Variants in AP2A2 observed in about 807,000 individuals in gnomAD.
The protein encoded by AP2A2 is adaptor related protein complex 2 subunit alpha 2.
Under a neutral mutation model 104.2 loss-of-function variants are expected in AP2A2, and 32 were observed. That is an observed-to-expected ratio of 0.31 (90% CI 0.23 to 0.41). AP2A2 has a LOEUF of 0.41. AP2A2 is among the 10% of genes least tolerant of loss of function. The pLI, the probability that AP2A2 is intolerant of heterozygous loss-of-function variation, is 1.00. For synonymous variants in AP2A2, 539 were observed against 533.3 expected, an observed-to-expected ratio of 1.01 and a Z score of -0.15; for missense variants, 912 against 1,261.0, an observed-to-expected ratio of 0.72 and a Z score of 4.19.
At chr11:952,965 T>C (rs2134533597) in intron 1 of AP2A2, among the ~76,000 whole-genome samples, 1 of 152,310 alleles carries the variant, frequency 6.6e-6, no homozygotes, top group Admixed American at 6.5e-5. Flanking sequence ...TCTGCTCCTT[T>C]ACAGGAGAGC....
At position 1,009,341 on chromosome 11, in the gene AP2A2, G is replaced by C. The variant is rs1349496504; in HGVS notation, c.2551G>C (p.Val851Leu). The C allele has an allele frequency of 6.2e-7, 1 of 1,613,662 alleles. No individual in the cohort carries two copies. Among genetic ancestry groups the C allele is most frequent in the African/African-American group, 1.3e-5 (1 of 74,930 alleles). ...TGTTTCTCACAGTCCACAGCAGGAAGTGCAGAACATCTTCAAAGCAAAGCA... is the reference window on the plus strand; with the variant it reads ...TGTTTCTCACAGTCCACAGCAGGAACTGCAGAACATCTTCAAAGCAAAGCA... ...WKQLSNPQQEVQNIFKAKHPM... is the reference protein window; with the variant it reads ...WKQLSNPQQELQNIFKAKHPM... The change falls in exon 20 of 22, where the codon GTG becomes CTG. Residue 851 changes from valine to leucine, a missense_variant. Val to Leu is a conservative substitution (Grantham distance 32). Around this residue, in one of 7 missense-constraint regions of AP2A2, gnomAD observed 239 missense variants for 329.8 expected, o/e 0.72. Coordinates refer to ENST00000448903, the MANE Select transcript of AP2A2 (RefSeq NM_012305.4).
At chr11:987,131 C>G (rs1046118265) in intron 9 of AP2A2, among the ~76,000 whole-genome samples, 178 bp downstream of exon 9, 2 of 152,240 alleles carry the variant, frequency 1.3e-5, no homozygotes, top group African/African-American at 4.8e-5. Flanking sequence ...GAGGGCCATG[C>G]TGCCTGGAGA....
At chr11:957,067 G>C (rs752765632) in intron 1 of AP2A2, 1 of 152,218 alleles carries the variant, frequency 6.6e-6, no homozygotes, top group Non-Finnish European at 1.5e-5. Flanking sequence ...ACCTGTGCTT[G>C]TGCATGACAG....
At chr11:949,210 A>G (rs1262621467) in intron 1 of AP2A2, among the ~76,000 whole-genome samples, 1 of 151,954 alleles carries the variant, frequency 6.6e-6, no homozygotes, top group Non-Finnish European at 1.5e-5. Context: ...CGAGAGGCGG[A>G]GGTTGCAGTG....
intron 1 of AP2A2, among the ~76,000 whole-genome samples, chr11:930,495 C>A (rs1445353547): frequency 6.6e-6 from 1 of 151,770 alleles, no homozygotes; most frequent in Non-Finnish European, 1.5e-5. Context: ...TAAAAAAATT[C>A]TAGTCCTTTT....
chr11:993,705 G>A lies in AP2A2; in HGVS notation c.1551-49G>A. ...CCCCCCCCCGCGGGGGCGTGCTGCAGCCTGCGAGGGGACGACGGTGTCCCT... is the reference window on the plus strand; with the variant it reads ...CCCCCCCCCGCGGGGGCGTGCTGCAACCTGCGAGGGGACGACGGTGTCCCT... On this transcript the variant is annotated intron_variant, in intron 12 of 21. Coordinates refer to ENST00000448903, the MANE Select transcript of AP2A2 (RefSeq NM_012305.4). The surrounding 1 kb of genome is among the most constrained non-coding windows in gnomAD (Gnocchi z 8.2). 1 of 1,447,234 alleles carries A rather than the reference G, an allele frequency of 6.9e-7. No individual in the cohort carries two copies. The highest frequency in any genetic ancestry group is 9.4e-7 in the Non-Finnish European group (1 of 1,066,538). 89.6% of individuals were successfully genotyped at this position (1,447,234 alleles called of 1,614,324 possible).
At position 970,307 on chromosome 11, in the gene AP2A2, A is replaced by G. The variant is rs776232675; in HGVS notation, c.275A>G (p.Gln92Arg). ...AGTTCAAACAGATACACGGAAAAGC[A>G]GATCGTGAGTATCGCTGCAGGTGGA... ...LLSSNRYTEK[Q>R]IGYLFISVLV... Residue 92 changes from glutamine (Q) to arginine (R), a missense_variant, in exon 3 of 22, where the codon CAG (glutamine) becomes CGG (arginine). This residue lies in a region of AP2A2 where 350 missense variants were observed against 487.0 expected (regional missense o/e 0.72). Transcript: ENST00000448903. 5.0e-6 allele frequency: 8 copies of G among 1,613,430 alleles called. No individual in the cohort carries two copies. Among genetic ancestry groups the G allele is most frequent in the Non-Finnish European group, 6.8e-6 (8 of 1,179,520 alleles).
At position 1,010,889 on chromosome 11, in the gene AP2A2, T is replaced by G. The variant is rs1856404658; in HGVS notation, c.*264T>G. The G allele has an allele frequency of 1.5e-6, 1 of 648,446 alleles. No individual in the cohort carries two copies. Among genetic ancestry groups the G allele is most frequent in the South Asian group, 1.8e-5 (1 of 55,592 alleles). 40.2% of individuals were successfully genotyped at this position (648,446 alleles called of 1,614,324 possible). A position where few individuals can be genotyped will look rare whatever the true frequency, so the allele number is the denominator to read the frequency against. ...TTTTATAAAAATCGAGACAGTTCTG[T>G]GGTTAAATCTACAAATTAAAGGGAA... On this transcript the variant is annotated 3_prime_UTR_variant, in exon 22 of 22. Transcript: ENST00000448903.
chr11:1,005,695 C>A (rs774456882), intron 16 of AP2A2, among the ~76,000 whole-genome samples: 4 of 152,152 alleles, frequency 2.6e-5, no homozygotes, highest in Non-Finnish European at 4.4e-5. Context: ...AGTCCTCTGC[C>A]CGCCAGGGGT....
intron 1 of AP2A2, among the ~76,000 whole-genome samples, chr11:959,051 C>G (rs1257020512): frequency 6.6e-6 from 1 of 152,212 alleles, no homozygotes; most frequent in Non-Finnish European, 1.5e-5. Context: ...AGGAGTAAAC[C>G]TCCGTGTTAT....
Position 994,182 on chromosome 11 carries a change from G to A in AP2A2, c.1893G>A (p.Lys631=), listed in dbSNP as rs1207401120. 2 of 1,613,048 alleles carry A rather than the reference G, an allele frequency of 1.2e-6. No individual in the cohort carries two copies. Among genetic ancestry groups the A allele is most frequent in the South Asian group, 2.2e-5 (2 of 91,086 alleles). The change falls in exon 14 of 22, where the codon AAG becomes AAA. Residue 631 remains lysine, a synonymous_variant. Coordinates refer to ENST00000448903, the MANE Select transcript of AP2A2 (RefSeq NM_012305.4). Reference sequence around the variant, plus strand: ...CGGTGACAGACCTGGAGGACACCAAGCGGGACAGGAGTGTGGACGTGAACG... The same window carrying A: ...CGGTGACAGACCTGGAGGACACCAAACGGGACAGGAGTGTGGACGTGAACG... The part of the protein sequence containing the change: ...PSTVTDLEDT[K]RDRSVDVNGG...
chr11:1,010,756 C>A lies in AP2A2; in HGVS notation c.*131C>A. On this transcript the variant is annotated 3_prime_UTR_variant, in exon 22 of 22. Coordinates refer to ENST00000448903, the MANE Select transcript of AP2A2 (RefSeq NM_012305.4). ...CAAGGCGCCTCCCCGCCCCGCCGCC[C>A]CACACCTCTCCCCTTTGGGCTGGAC... 1.3e-6 allele frequency: 1 copy of A among 753,612 alleles called. No individual in the cohort carries two copies. The highest frequency in any genetic ancestry group is 2.3e-6 in the Non-Finnish European group (1 of 429,858). 46.7% of individuals were successfully genotyped at this position (753,612 alleles called of 1,614,324 possible).
chr11:946,421 T>C (rs1853834703), intron 1 of AP2A2: 1 of 152,168 alleles, frequency 6.6e-6, no homozygotes, highest in African/African-American at 2.4e-5. Flanking sequence ...AAACCCTGTT[T>C]CTGAAAGAGA....
At chr11:958,883 A>G (rs1854330158) in intron 1 of AP2A2, among the ~76,000 whole-genome samples, 1 of 152,168 alleles carries the variant, frequency 6.6e-6, no homozygotes, top group South Asian at 2.1e-4. Context: ...TTCAACGGGC[A>G]CATCTGAGCT....
rs1856430978 is a variant in AP2A2, at chr11:1,011,509, A to C, written c.*884A>C. ...GGAGGAGGGACGCCTCTGTGTGGTC[A>C]GGAAGTGAAGGGGCCATTGGCCGCA... On this transcript the variant is annotated 3_prime_UTR_variant, in exon 22 of 22. Transcript: ENST00000448903. 2.0e-6 allele frequency: 1 copy of C among 492,296 alleles called. No homozygotes were observed. Among genetic ancestry groups the C allele is most frequent in the African/African-American group, 1.9e-5 (1 of 51,500 alleles). The allele number at this position is 492,296 out of a possible 1,614,324, so 30.5% of individuals were successfully genotyped here.
chr11:976,977 G>C, intron 4 of AP2A2, 118 bp from the exon 5 acceptor site: 2 of 1,434,466 alleles, frequency 1.4e-6, no homozygotes, highest in Non-Finnish European at 9.5e-7. Context: ...CCTGAGTGCT[G>C]TCTTGGCCCC....
At chr11:976,716 A>G (rs1285934264) in intron 4 of AP2A2, among the ~76,000 whole-genome samples, 2 of 152,104 alleles carry the variant, frequency 1.3e-5, no homozygotes, top group Non-Finnish European at 2.9e-5. Context: ...GGGCAGGGGA[A>G]GATCATCAAG....
At chr11:946,881 G>C (rs1398103058) in intron 1 of AP2A2, 1 of 152,114 alleles carries the variant, frequency 6.6e-6, no homozygotes, top group Non-Finnish European at 1.5e-5. Context: ...AGGCTGGAAT[G>C]AAAGGACACT....
intron 4 of AP2A2, among the ~76,000 whole-genome samples, chr11:976,412 TGGA>T (rs910393839): frequency 1.3e-5 from 2 of 152,236 alleles, no homozygotes; most frequent in African/African-American, 4.8e-5. Context: ...GTTAAGCGCT[TGGA>T]GAAGAGACTG....
Sources: gnomAD v4.1 joint callset for allele counts (sites outside exome capture counted in the v4.1 genomes callset) on GRCh38, gnomAD v4.1.1 for gene constraint, gnomAD v4.1.1 regional missense constraint, Gnocchi (gnomAD v3.1) non-coding constraint, MANE v1.5 for transcripts, NCBI Gene and HGNC (gene_info 2026-07-23, HGNC 2026-07-21) for gene names.